CLYBL: variants seen among roughly 807,000 people sequenced by gnomAD.
The protein encoded by CLYBL is citramalyl-CoA lyase, mitochondrial.
A neutral mutation model predicts 38.9 loss-of-function variants in CLYBL; 31 were observed. The observed-to-expected ratio is 0.80, with a 90% CI of 0.60 to 1.08. The LOEUF (loss-of-function observed/expected upper bound fraction) is 1.08. CLYBL is among the 50% of genes least tolerant of loss of function. The probability of loss-of-function intolerance (pLI) is 0.00; values close to 1 mark genes in which losing one functional copy is unlikely to be tolerated. For synonymous variants in CLYBL, 171 were observed against 158.6 expected, an observed-to-expected ratio of 1.08 and a Z score of -0.59; for missense variants, 434 against 411.6, an observed-to-expected ratio of 1.05 and a Z score of -0.47.
In CLYBL at chr13:99,620,551, C is replaced by T. The variant is rs112529642; in HGVS notation, c.62+13794C>T. Among the ~76,000 whole-genome samples, 785 of 152,218 alleles carry T rather than the reference C, an allele frequency of 5.2e-3. 11 individuals carry two copies. The highest frequency in any genetic ancestry group is 0.017 in the African/African-American group (711 of 41,554). On this transcript the variant is annotated intron_variant, in intron 1 of 8. Transcript: ENST00000339105. ...CAGCACTTTGGGAGGCCAAGATGGG[C>T]GGATCACGAGGTCAGGAGTTGGAGA...
intron 1 of CLYBL, among the ~76,000 whole-genome samples, chr13:99,671,930 A>C (rs533011370): frequency 1.3e-5 from 2 of 152,284 alleles, no homozygotes; most frequent in Admixed American, 6.5e-5. Context: ...CCAAGCACAC[A>C]GTCCCCTTCT....
At chr13:99,826,086 G>A (rs1259128201) in intron 2 of CLYBL, among the ~76,000 whole-genome samples, 3 of 152,198 alleles carry the variant, frequency 2.0e-5, no homozygotes, top group East Asian at 1.9e-4. Context: ...TTGGAAGAAA[G>A]CTACTGTGAT....
At chr13:99,871,530 G>C (rs186886207) in intron 7 of CLYBL, among the ~76,000 whole-genome samples, 1 of 152,214 alleles carries the variant, frequency 6.6e-6, no homozygotes, top group South Asian at 2.1e-4. Flanking sequence ...AAGAGTGGGA[G>C]GTTGTATATG....
chr13:99,887,373 T>A (rs2052376973), intron 7 of CLYBL, among the ~76,000 whole-genome samples: 1 of 152,224 alleles, frequency 6.6e-6, no homozygotes, highest in East Asian at 1.9e-4. Context: ...ATATCTTTAC[T>A]AACTGCAGGG....
At chr13:99,745,316 C>G (rs1240849643) in intron 1 of CLYBL, among the ~76,000 whole-genome samples, 1 of 152,126 alleles carries the variant, frequency 6.6e-6, no homozygotes, top group African/African-American at 2.4e-5. Flanking sequence ...AAGTGTTACT[C>G]TCTGAATTTG....
rs9585232 is a variant in CLYBL, at chr13:99,821,417, T to G, written c.250-37444T>G. On this transcript the variant is annotated intron_variant, in intron 2 of 8. Coordinates refer to ENST00000339105, the MANE Select transcript of CLYBL (RefSeq NM_206808.5). The stretch of plus-strand genomic sequence containing the variant: ...ACACCAATGAACAGATGTGTCACAA[T>G]TTATCAAAAATTGCTCCTGTTATTG... Among the ~76,000 whole-genome samples, 933 of 152,376 alleles carry G rather than the reference T, an allele frequency of 6.1e-3. 11 individuals carry two copies. Among genetic ancestry groups the G allele is most frequent in the African/African-American group, 0.021 (886 of 41,592 alleles).
At chr13:99,692,930 A>G (rs981956659) in intron 1 of CLYBL, among the ~76,000 whole-genome samples, 6 of 151,662 alleles carry the variant, frequency 4.0e-5, no homozygotes, top group African/African-American at 1.5e-4. Flanking sequence ...CTGGCCCAGT[A>G]ATGTTCAATT....
In CLYBL at chr13:99,800,906, AC is replaced by A. The variant is rs1404889517; in HGVS notation, c.249+27897del. On this transcript the variant is annotated intron_variant, in intron 2 of 8. Coordinates refer to ENST00000339105, the MANE Select transcript of CLYBL (RefSeq NM_206808.5). ...AAAACAACAACAACAAAAAAAAAAA[AC>A]AAAAAAAAAAAAACGTAATTGGGTT... Among the ~76,000 whole-genome samples, 75 of 131,864 alleles carry A rather than the reference AC, an allele frequency of 5.7e-4. No homozygotes were observed. In the South Asian group the frequency reaches 9.8e-3, roughly 17 times the overall value. The allele number at this position is 131,864 out of a possible 152,430, so 86.5% of individuals were successfully genotyped here.
intron 1 of CLYBL, among the ~76,000 whole-genome samples, chr13:99,685,869 C>T (rs908626930): frequency 9.2e-5 from 14 of 151,936 alleles, no homozygotes; most frequent in Non-Finnish European, 2.1e-4. Context: ...GGCTGAGGAA[C>T]GAGAATCGCT....
At chr13:99,877,579 T>TTTC in intron 7 of CLYBL, 1 of 349,334 alleles carries the variant, frequency 2.9e-6, no homozygotes, top group South Asian at 2.1e-5. Context: ...TTCTTTTTTT[T>TTTC]TTTTTTTTTT....
chr13:99,618,142 G>C lies in CLYBL; in HGVS notation c.62+11385G>C, dbSNP rs750336225. On this transcript the variant is annotated intron_variant, in intron 1 of 8. Coordinates refer to ENST00000339105, the MANE Select transcript of CLYBL (RefSeq NM_206808.5). ...ATATCCAGAACCTAAAACAATCCTTGGCAGTGCCTGATATAAATTTGCAGA... is the reference window on the plus strand; with the variant it reads ...ATATCCAGAACCTAAAACAATCCTTCGCAGTGCCTGATATAAATTTGCAGA... 3.9e-5 allele frequency among the ~76,000 whole-genome samples: 6 copies of C among 152,116 alleles called. No homozygotes were observed. In the South Asian group the frequency reaches 1.2e-3, roughly 32 times the overall value.
chr13:99,829,914 A>C (rs1594208444), intron 2 of CLYBL, among the ~76,000 whole-genome samples: 1 of 152,200 alleles, frequency 6.6e-6, no homozygotes, highest in African/African-American at 2.4e-5. Flanking sequence ...GAATATGATC[A>C]TTGGGTTGAT....
chr13:99,723,947 C>T (rs961444802), intron 1 of CLYBL, among the ~76,000 whole-genome samples: 2 of 151,986 alleles, frequency 1.3e-5, no homozygotes, highest in Non-Finnish European at 2.9e-5. Flanking sequence ...TTTCAATTCT[C>T]CTCCGTGTCA....
intron 1 of CLYBL, among the ~76,000 whole-genome samples, chr13:99,730,121 C>T (rs1329015975): frequency 6.6e-6 from 1 of 151,882 alleles, no homozygotes; most frequent in Non-Finnish European, 1.5e-5. Context: ...TGGCTGGCCA[C>T]TGTTGGAGCT....
chr13:99,696,925 T>C (rs1055442587), intron 1 of CLYBL, among the ~76,000 whole-genome samples: 5 of 152,254 alleles, frequency 3.3e-5, no homozygotes, highest in Admixed American at 1.3e-4. Context: ...TGTACAGTTA[T>C]GTATTGTAAC....
intron 1 of CLYBL, among the ~76,000 whole-genome samples, chr13:99,647,871 T>C (rs890721490): frequency 6.6e-6 from 1 of 152,160 alleles, no homozygotes; most frequent in Admixed American, 6.5e-5. Context: ...TTGAGAACGA[T>C]TGCAAATAAT....
chr13:99,669,262 A>G (rs1413232686), intron 1 of CLYBL, among the ~76,000 whole-genome samples: 4 of 152,126 alleles, frequency 2.6e-5, no homozygotes, highest in African/African-American at 9.6e-5. Context: ...TCAGCCTCCT[A>G]AAGTGCTGGG....
chr13:99,786,200 C>CT (rs199863527), intron 2 of CLYBL, among the ~76,000 whole-genome samples: 1,854 of 122,544 alleles, frequency 0.015, 25 homozygotes, highest in Non-Finnish European at 0.025. Context: ...CTTAGCTTTC[C>CT]TTTTTTTTTT....
At chr13:99,623,650 A>T (rs547972369) in intron 1 of CLYBL, among the ~76,000 whole-genome samples, 16 of 152,262 alleles carry the variant, frequency 1.1e-4, no homozygotes, top group Admixed American at 6.5e-4. Flanking sequence ...ATTCAGATCC[A>T]AGGTCCATTT....
Sources: gnomAD v4.1 joint callset for allele counts (sites outside exome capture counted in the v4.1 genomes callset) on GRCh38, gnomAD v4.1.1 for gene constraint, MANE v1.5 for transcripts, NCBI Gene and HGNC (gene_info 2026-07-23, HGNC 2026-07-21) for gene names.